The following KLF8 variants were observed in gnomAD, a reference collection of about 807,000 sequenced individuals.
KLF8 encodes the protein KLF transcription factor 8.
In KLF8, 10 loss-of-function variants were observed where a neutral mutation model predicts 18.2. That is an observed-to-expected ratio of 0.55 (90% CI 0.34 to 0.93). The LOEUF (loss-of-function observed/expected upper bound fraction) is 0.93. Ranked by LOEUF, KLF8 falls within the 40% of genes least tolerant of loss-of-function variation. The pLI, the probability that KLF8 is intolerant of heterozygous loss-of-function variation, is 0.02. For missense variants in KLF8, 264 were observed against 277.9 expected, an observed-to-expected ratio of 0.95 and a Z score of 0.36; for synonymous variants, 109 against 97.3, an observed-to-expected ratio of 1.12 and a Z score of -0.71.
At chrX:55,948,428 T>C in the KLF8 span, among the ~76,000 whole-genome samples, 74 of 112,147 alleles carry the variant, frequency 6.6e-4, no homozygotes, top group African/African-American at 2.2e-3. Context: ...ACTCCTGTTG[T>C]AGAAGATCAT....
the KLF8 span, among the ~76,000 whole-genome samples, chrX:56,075,207 A>G: frequency 9.0e-6 from 1 of 110,757 alleles, no homozygotes; most frequent in Non-Finnish European, 1.9e-5. Flanking sequence ...ATGCTATTGT[A>G]AAAGGAATTA....
chrX:55,941,674 GA>G, the KLF8 span, among the ~76,000 whole-genome samples: 1 of 110,931 alleles, frequency 9.0e-6, no homozygotes, highest in African/African-American at 3.3e-5. Flanking sequence ...AAATTTACAA[GA>G]AAAAAACAAC....
chrX:56,120,655 C>T, the KLF8 span, among the ~76,000 whole-genome samples: 4 of 111,566 alleles, frequency 3.6e-5, no homozygotes, highest in Non-Finnish European at 7.5e-5. Flanking sequence ...TCATCCCTTC[C>T]TGCTGCCACT....
chrX:56,039,087 T>G, the KLF8 span, among the ~76,000 whole-genome samples: 3 of 112,140 alleles, frequency 2.7e-5, no homozygotes, highest in Non-Finnish European at 5.6e-5. Context: ...TTGTTTAATA[T>G]CCTTATAGAT....
chrX:56,199,505 T>C, the KLF8 span, among the ~76,000 whole-genome samples: 1 of 112,151 alleles, frequency 8.9e-6, no homozygotes, highest in African/African-American at 3.2e-5. Context: ...TCACTGGCCT[T>C]CAGAGATGTG....
the KLF8 span, among the ~76,000 whole-genome samples, chrX:56,128,426 G>A: frequency 8.9e-6 from 1 of 111,738 alleles, no homozygotes; most frequent in Non-Finnish European, 1.9e-5. Context: ...GGGTAAAATT[G>A]TGAATATATC....
the KLF8 span, among the ~76,000 whole-genome samples, chrX:55,963,100 T>C: frequency 8.9e-6 from 1 of 112,501 alleles, no homozygotes; most frequent in Non-Finnish European, 1.9e-5. Context: ...TTTTTCCTTA[T>C]GCACAAAGAT....
the KLF8 span, among the ~76,000 whole-genome samples, chrX:55,947,181 T>C: frequency 2.7e-5 from 3 of 111,054 alleles, no homozygotes; most frequent in Non-Finnish European, 5.7e-5. Flanking sequence ...TAAAGACACA[T>C]GCACACGTAT....
At chrX:56,097,440 C>T in the KLF8 span, among the ~76,000 whole-genome samples, 6 of 107,040 alleles carry the variant, frequency 5.6e-5, no homozygotes, top group East Asian at 1.2e-3. Context: ...AGCTATCCAC[C>T]CACCTCAGGG....
the KLF8 span, among the ~76,000 whole-genome samples, chrX:56,094,608 C>T: frequency 1.8e-5 from 2 of 110,417 alleles, no homozygotes; most frequent in African/African-American, 3.3e-5. Flanking sequence ...ATCAAAAAAA[C>T]GTATCTAATT....
At chrX:56,076,745 A>C in the KLF8 span, among the ~76,000 whole-genome samples, 3 of 111,764 alleles carry the variant, frequency 2.7e-5, no homozygotes, top group East Asian at 5.7e-4. Context: ...GAACTAGTTC[A>C]CAGTCCCACC....
At chrX:56,188,821 A>G in the KLF8 span, among the ~76,000 whole-genome samples, 1 of 112,411 alleles carries the variant, frequency 8.9e-6, no homozygotes, top group Non-Finnish European at 1.9e-5. Context: ...AGCCATATGT[A>G]GAAAGCTGAA....
chrX:56,058,820 G>T, the KLF8 span, among the ~76,000 whole-genome samples: 1 of 111,437 alleles, frequency 9.0e-6, no homozygotes, highest in Non-Finnish European at 1.9e-5. Context: ...ATATGTGTCC[G>T]TGTGTCTTTA....
At chrX:56,215,886 A>AATCCACAT in the KLF8 span, among the ~76,000 whole-genome samples, 1 of 102,976 alleles carries the variant, frequency 9.7e-6, no homozygotes, top group Non-Finnish European at 2.0e-5. Context: ...AAAAGAAAGA[A>AATCCACAT]ATCCACATAT....
At chrX:56,225,074 T>C in the KLF8 span, among the ~76,000 whole-genome samples, 1 of 111,542 alleles carries the variant, frequency 9.0e-6, no homozygotes, top group African/African-American at 3.3e-5. Context: ...TACCTCTTAA[T>C]ACCATCACAT....
At chrX:56,039,745 A>AT in the KLF8 span, among the ~76,000 whole-genome samples, 2 of 111,212 alleles carry the variant, frequency 1.8e-5, no homozygotes, top group African/African-American at 6.5e-5. Context: ...TTTCAGAATC[A>AT]TTTTTTCTAA....
chrX:56,147,955 G>T, the KLF8 span, among the ~76,000 whole-genome samples: 89 of 112,406 alleles, frequency 7.9e-4, no homozygotes, highest in Non-Finnish European at 1.3e-3. Flanking sequence ...TCCAGCCTGG[G>T]CAACAGAGTG....
the KLF8 span, among the ~76,000 whole-genome samples, chrX:56,123,747 AC>A: frequency 8.9e-6 from 1 of 112,199 alleles, no homozygotes; most frequent in Non-Finnish European, 1.9e-5. Flanking sequence ...TAGATGCTGA[AC>A]TAAAGAATTA....
the KLF8 span, among the ~76,000 whole-genome samples, chrX:56,183,237 G>A: frequency 8.9e-6 from 1 of 112,182 alleles, no homozygotes; most frequent in African/African-American, 3.2e-5. Flanking sequence ...CTAGCAGTGA[G>A]CAAGGCTCCG....
Sources: gnomAD v4.1 joint callset for allele counts (sites outside exome capture counted in the v4.1 genomes callset) on GRCh38, gnomAD v4.1.1 for gene constraint, MANE v1.5 for transcripts, NCBI Gene and HGNC (gene_info 2026-07-23, HGNC 2026-07-21) for gene names.